GBF1: variants seen among roughly 807,000 people sequenced by gnomAD.
GBF1 encodes golgi brefeldin A resistant guanine nucleotide exchange factor 1.
In GBF1, 114 loss-of-function variants were observed where a neutral mutation model predicts 210.5. That is an observed-to-expected ratio of 0.54 (90% confidence interval 0.47 to 0.63). The LOEUF (loss-of-function observed/expected upper bound fraction) is 0.63. GBF1 is among the 30% of genes least tolerant of loss of function. The pLI is 0.00. For synonymous variants in GBF1, 850 were observed against 889.2 expected (o/e 0.96, Z 0.78); for missense variants, 1,851 against 2,357.7 (o/e 0.79, Z 4.45).
intron 3 of GBF1, among the ~76,000 whole-genome samples, chr10:102,272,359 C>T (rs140317479): frequency 6.6e-6 from 1 of 152,310 alleles, no homozygotes; most frequent in African/African-American, 2.4e-5. Context: ...CCCACCTTGG[C>T]TTCCCAAAAT....
In GBF1 at chr10:102,376,389, G is replaced by C. The variant is rs770201711; in HGVS notation, c.4004G>C (p.Arg1335Pro). 1.9e-6 allele frequency: 3 copies of C among 1,614,142 alleles called. No individual in the cohort carries two copies. Among genetic ancestry groups the C allele is most frequent in the South Asian group, 2.2e-5 (2 of 91,080 alleles). Reference protein sequence around the residue: ...TDHGRPGKIHRSATDADVVNS... With the variant: ...TDHGRPGKIHPSATDADVVNS... ...CATGGCAGGCCGGGCAAGATACACC[G>C]ATCAGCCACAGATGCCGATGTGGTC... Residue 1335 changes from arginine to proline, a missense_variant, in exon 31 of 40, where the codon CGA becomes CCA. By Grantham distance (103) the Arg-to-Pro change is moderately radical. Around this residue, in one of 3 missense-constraint regions of GBF1, gnomAD observed 967 missense variants for 1,247.7 expected, o/e 0.78. Transcript: ENST00000369983.
In GBF1 at chr10:102,360,261, G is replaced by A. The variant is rs41303829; in HGVS notation, c.1258G>A (p.Asp420Asn). The A allele has an allele frequency of 1.9e-6, 3 of 1,613,612 alleles. No homozygotes were observed. Among genetic ancestry groups the A allele is most frequent in the South Asian group, 1.1e-5 (1 of 91,058 alleles). Residue 420 changes from aspartate (D) to asparagine (N), a missense_variant, in exon 12 of 40, where the codon GAC becomes AAC. Asp to Asn is a conservative substitution (Grantham distance 23, BLOSUM62 1). Transcript: ENST00000369983. Reference sequence around the variant, plus strand: ...CCTCATCTCCCTCACCAATCCACACGACCGCCATAACTCAGAGGTTATGAT... The same window carrying A: ...CCTCATCTCCCTCACCAATCCACACAACCGCCATAACTCAGAGGTTATGAT... ...RFLISLTNPH[D>N]RHNSEVMIHM...
rs1020172814 is a variant in GBF1 at position 102,379,162 on chromosome 10, G to A, written c.4495-122G>A. On this transcript the variant is annotated intron_variant, in intron 33 of 39. Transcript: ENST00000369983. ...AAGGGAAAGAGTAGCGAGGGGGTGAGGTATGGCATGATTGGTGCTAGGGAC... is the reference window on the plus strand; with the variant it reads ...AAGGGAAAGAGTAGCGAGGGGGTGAAGTATGGCATGATTGGTGCTAGGGAC... 1.1e-4 allele frequency: 89 copies of A among 834,450 alleles called. 1 individual carries two copies. Among genetic ancestry groups the A allele is most frequent in the South Asian group, 8.7e-4 (51 of 58,588 alleles). The allele number at this position is 834,450 out of a possible 1,614,324, so 51.7% of individuals were successfully genotyped here.
intron 3 of GBF1, among the ~76,000 whole-genome samples, chr10:102,311,425 G>A (rs981297174): frequency 6.6e-5 from 10 of 152,300 alleles, no homozygotes; most frequent in African/African-American, 2.2e-4. Flanking sequence ...CATGGTACAG[G>A]AAATATAGGT....
intron 1 of GBF1, among the ~76,000 whole-genome samples, chr10:102,256,739 G>A (rs915284207): frequency 6.6e-6 from 1 of 151,954 alleles, no homozygotes; most frequent in African/African-American, 2.4e-5. Flanking sequence ...GGTTGGTCTC[G>A]AGCTCAGGTT....
At chr10:102,354,424 G>A (rs568211277) in intron 8 of GBF1, among the ~76,000 whole-genome samples, 1 of 152,308 alleles carries the variant, frequency 6.6e-6, no homozygotes, top group South Asian at 2.1e-4. Flanking sequence ...GCAGACCAAA[G>A]CCCTGAACCA....
At chr10:102,232,127 G>C in the GBF1 span, 1 of 1,225,174 alleles carries the variant, frequency 8.2e-7, no homozygotes, top group East Asian at 2.4e-5. Flanking sequence ...CAGGGTAATG[G>C]GGGTAAAATC....
At chr10:102,263,198 G>C (rs535566013) in intron 3 of GBF1, among the ~76,000 whole-genome samples, 5 of 152,256 alleles carry the variant, frequency 3.3e-5, no homozygotes, top group African/African-American at 1.2e-4. Context: ...CTAATTTCTT[G>C]TTTCTTTTAC....
Position 102,380,230 on chromosome 10 carries a change from G to A in GBF1, c.4879-19G>A. 3 of 1,548,636 alleles carry A rather than the reference G, an allele frequency of 1.9e-6. No homozygotes were observed. Among genetic ancestry groups the A allele is most frequent in the East Asian group, 2.2e-5 (1 of 44,570 alleles). On this transcript the variant is annotated intron_variant, in intron 36 of 39. Coordinates refer to ENST00000369983, the MANE Select transcript of GBF1 (RefSeq NM_001377137.1). ...GGCTCCTACAGTCCCCTCAGCTGAA[G>A]GGGGCTGGTGGGCCATAGGTCTTCC...
chr10:102,304,388 T>C (rs989791808), intron 3 of GBF1, among the ~76,000 whole-genome samples: 1 of 152,144 alleles, frequency 6.6e-6, no homozygotes, highest in Non-Finnish European at 1.5e-5. Flanking sequence ...ATATATATAT[T>C]TTTTAAATCT....
intron 3 of GBF1, among the ~76,000 whole-genome samples, chr10:102,305,217 G>A (rs184897221): frequency 6.7e-5 from 9 of 134,976 alleles, no homozygotes; most frequent in Non-Finnish European, 1.1e-4. Flanking sequence ...GTGTGTGTGT[G>A]TGTACTTGAT....
At chr10:102,324,233 T>G (rs1291171236) in intron 3 of GBF1, among the ~76,000 whole-genome samples, 1 of 152,176 alleles carries the variant, frequency 6.6e-6, no homozygotes. Context: ...GGGGCAGGGC[T>G]AGAGTCTTTT....
chr10:102,374,489 A>G (rs1053517559), intron 29 of GBF1, among the ~76,000 whole-genome samples: 3 of 152,064 alleles, frequency 2.0e-5, no homozygotes, highest in African/African-American at 7.2e-5. Flanking sequence ...GGAGGCTGAG[A>G]CAGGAGGATC....
chr10:102,255,228 G>T (rs1565017250), intron 1 of GBF1, among the ~76,000 whole-genome samples: 1 of 151,894 alleles, frequency 6.6e-6, no homozygotes, highest in Non-Finnish European at 1.5e-5. Flanking sequence ...TTTAGTTGAG[G>T]TGGCGTTTCA....
At chr10:102,308,795 C>T (rs1383091261) in intron 3 of GBF1, among the ~76,000 whole-genome samples, 76 of 147,012 alleles carry the variant, frequency 5.2e-4, no homozygotes, top group South Asian at 6.5e-4. Flanking sequence ...TTAATGGGTG[C>T]AGCACACCAG....
Position 102,376,357 on chromosome 10 carries a change from C to T in GBF1, c.3972C>T (p.Tyr1324=). ...DRGYTSDSEV[Y]TDHGRPGKIH... The stretch of plus-strand genomic sequence containing the variant: ...GGTACACTTCCGACTCAGAGGTCTA[C>T]ACTGACCATGGCAGGCCGGGCAAGA... The change falls in exon 31 of 40, where the codon TAC becomes TAT. Residue 1324 remains tyrosine, a synonymous_variant. Transcript: ENST00000369983. The T allele has an allele frequency of 2.5e-6, 4 of 1,614,134 alleles. No homozygotes were observed. Among genetic ancestry groups the T allele is most frequent in the Non-Finnish European group, 3.4e-6 (4 of 1,179,970 alleles).
At chr10:102,299,513 T>G in intron 3 of GBF1, among the ~76,000 whole-genome samples, 1 of 152,238 alleles carries the variant, frequency 6.6e-6, no homozygotes. Flanking sequence ...CCAGGCGCAG[T>G]GGCTCATGCC....
At chr10:102,325,299 A>G (rs2056794257) in intron 3 of GBF1, among the ~76,000 whole-genome samples, 1 of 152,172 alleles carries the variant, frequency 6.6e-6, no homozygotes. Context: ...CTGTAATCCC[A>G]GCACTTTGGG....
chr10:102,232,168 C>T, the GBF1 span: 1 of 812,564 alleles, frequency 1.2e-6, no homozygotes, highest in Non-Finnish European at 2.1e-6. Flanking sequence ...GCAGCGTTTC[C>T]TCGTAAATTC....
Sources: allele counts gnomAD v4.1 joint callset (sites outside exome capture counted in the v4.1 genomes callset), GRCh38; gene constraint gnomAD v4.1.1; regional missense constraint gnomAD v4.1.1; transcripts MANE v1.5; gene names NCBI Gene and HGNC (gene_info 2026-07-23, HGNC 2026-07-21).